Variants in BRSK1 observed in about 807,000 individuals in gnomAD.
BRSK1 encodes the protein BR serine/threonine kinase 1, also known as serine/threonine-protein kinase BRSK1.
A neutral mutation model predicts 86.2 loss-of-function variants in BRSK1; 17 were observed. The ratio of observed to expected loss-of-function variants is 0.20; its 90% CI spans 0.14 to 0.30. BRSK1 has a LOEUF of 0.30. Among genes scored for constraint, BRSK1 ranks in the 10% least tolerant of loss-of-function variants. The pLI is 1.00. For synonymous variants in BRSK1, 464 were observed against 440.1 expected, an observed-to-expected ratio of 1.05 and a Z score of -0.68; for missense variants, 719 against 1,071.9, an observed-to-expected ratio of 0.67 and a Z score of 4.60.
chr19:55,289,659 TGCCCAGCAGACAG>T (rs759708824), intron 4 of BRSK1, 39 bp downstream of exon 4: 1 of 1,606,384 alleles, frequency 6.2e-7, no homozygotes, highest in East Asian at 2.2e-5. Context: ...GGCTGAGGGC[TGCCCAGCAGACAG>T]GCCCTTGGGG....
At chr19:55,301,880 G>A (rs1172819) in intron 8 of BRSK1, among the ~76,000 whole-genome samples, 46,341 of 152,096 alleles carry the variant, frequency 0.3, 7,381 homozygotes, top group South Asian at 0.42. Flanking sequence ...GCGGGAGGGC[G>A]CAGGAGTAAG....
intron 4 of BRSK1, among the ~76,000 whole-genome samples, chr19:55,292,265 A>G (rs2088418121): frequency 6.6e-6 from 1 of 152,196 alleles, no homozygotes. Flanking sequence ...AAGGGTGGGA[A>G]GGTCCCAAGA....
In BRSK1 at chr19:55,312,168, G is replaced by A. The variant is rs2123019989; in HGVS notation, c.*100G>A. 2 of 578,398 alleles carry A rather than the reference G, an allele frequency of 3.5e-6. No individual in the cohort carries two copies. Among genetic ancestry groups the A allele is most frequent in the Non-Finnish European group, 5.9e-6 (2 of 341,680 alleles). The allele number at this position is 578,398 out of a possible 1,614,324, so 35.8% of individuals were successfully genotyped here. A position where few individuals can be genotyped will look rare whatever the true frequency, so the allele number is the denominator to read the frequency against. On this transcript the variant is annotated 3_prime_UTR_variant, in exon 19 of 19. Transcript: ENST00000309383. ...AGGCCCAAGGAACATGTCGGGAGGGGGGTGGACACAAAAACCGGCCTTGCC... is the reference window on the plus strand; with the variant it reads ...AGGCCCAAGGAACATGTCGGGAGGGAGGTGGACACAAAAACCGGCCTTGCC...
At position 55,302,590 on chromosome 19, in the gene BRSK1, G is replaced by A; in HGVS notation, c.858-107G>A. 4 of 1,416,090 alleles carry A rather than the reference G, an allele frequency of 2.8e-6. No homozygotes were observed. Among genetic ancestry groups the A allele is most frequent in the Non-Finnish European group, 2.9e-6 (3 of 1,037,088 alleles). 87.7% of individuals were successfully genotyped at this position (1,416,090 alleles called of 1,614,324 possible). A position where few individuals can be genotyped will look rare whatever the true frequency, so the allele number is the denominator to read the frequency against. On this transcript the variant is annotated intron_variant, in intron 9 of 18. Transcript: ENST00000309383. The surrounding 1 kb of genome is among the most constrained non-coding windows in gnomAD (Gnocchi z 6.3). ...GGATTCCTGGGTATGAGAGAGAAGG[G>A]GCCGGGGCCTAGACTCGGATTTCGG...
Position 55,284,498 on chromosome 19 carries a change from A to ACCCCCCCCCCCCCCCCCCCC in BRSK1, c.61_62insCCCCCCCCCCCCCCCCCCCC (p.His21ProfsTer52). 2 of 403,746 alleles carry ACCCCCCCCCCCCCCCCCCCC rather than the reference A, an allele frequency of 5.0e-6. No homozygotes were observed. Among genetic ancestry groups the ACCCCCCCCCCCCCCCCCCCC allele is most frequent in the Non-Finnish European group, 7.9e-6 (2 of 251,862 alleles). The allele number at this position is 403,746 out of a possible 1,614,324, so 25.0% of individuals were successfully genotyped here. ...GGCTCTCCCGCCTACCACCTCCCCC[A>ACCCCCCCCCCCCCCCCCCCC]CCCCCACCCCCACCCACCCCAGCAC... On this transcript the variant is annotated frameshift_variant, in exon 1 of 19. Transcript: ENST00000309383. LOFTEE classifies it high-confidence loss of function.
Position 55,303,710 on chromosome 19 carries a change from C to G in BRSK1, c.1170C>G (p.His390Gln), listed in dbSNP as rs371708220. 3 of 1,612,924 alleles carry G rather than the reference C, an allele frequency of 1.9e-6. No homozygotes were observed. Among genetic ancestry groups the G allele is most frequent in the South Asian group, 1.1e-5 (1 of 90,860 alleles). The change falls in exon 12 of 19, where the codon CAC becomes CAG. Residue 390 changes from histidine to glutamine, a missense_variant. Coordinates refer to ENST00000309383, the MANE Select transcript of BRSK1 (RefSeq NM_032430.2). This position sits in a 1 kb window ranked among gnomAD's most constrained non-coding sequence, Gnocchi z 5.1. ...TGGATTCTCCCATGCTGAGCCGTCACGGGAAGCGGCGACCAGAGCGGAAGT... is the reference window on the plus strand; with the variant it reads ...TGGATTCTCCCATGCTGAGCCGTCAGGGGAAGCGGCGACCAGAGCGGAAGT... ...KRVDSPMLSR[H>Q]GKRRPERKSM...
In BRSK1 at chr19:55,306,519, G is replaced by T; in HGVS notation, c.2089+69G>T. The T allele has an allele frequency of 1.3e-6, 2 of 1,552,210 alleles. No individual in the cohort carries two copies. The highest frequency in any genetic ancestry group is 1.8e-6 in the Non-Finnish European group (2 of 1,137,748). On this transcript the variant is annotated intron_variant, in intron 17 of 18. Transcript: ENST00000309383. The surrounding 1 kb of genome is among the most constrained non-coding windows in gnomAD (Gnocchi z 4.7). Reference sequence around the variant, plus strand: ...GTTCACGACAGCTGAGACAGTGTAGGGGCCCAGGAGTGCAGCAGCAGGAGG... The same window carrying T: ...GTTCACGACAGCTGAGACAGTGTAGTGGCCCAGGAGTGCAGCAGCAGGAGG...
At chr19:55,301,946 A>G (rs1416281905) in intron 8 of BRSK1, 191 bp from the exon 9 acceptor site, 1 of 832,336 alleles carries the variant, frequency 1.2e-6, no homozygotes, top group Non-Finnish European at 2.0e-6. Flanking sequence ...GGTCCGGGGT[A>G]CACGGAGACC....
chr19:55,293,842 T>G (rs1384583082), intron 4 of BRSK1, among the ~76,000 whole-genome samples, 175 bp from the exon 5 acceptor site: 1 of 152,006 alleles, frequency 6.6e-6, no homozygotes, highest in African/African-American at 2.4e-5. Flanking sequence ...TACATACATA[T>G]GATAAAAAAT....
At position 55,302,079 on chromosome 19, in the gene BRSK1, G is replaced by T; in HGVS notation, c.826-58G>T. The T allele has an allele frequency of 6.2e-7, 1 of 1,602,096 alleles. No individual in the cohort carries two copies. Among genetic ancestry groups the T allele is most frequent in the Non-Finnish European group, 8.6e-7 (1 of 1,169,000 alleles). Reference sequence around the variant, plus strand: ...CAAAACCACCCCAGTCTTTCATTGCGCGCCTACATGTGCCTACGACCTCAC... The same window carrying T: ...CAAAACCACCCCAGTCTTTCATTGCTCGCCTACATGTGCCTACGACCTCAC... On this transcript the variant is annotated intron_variant, in intron 8 of 18. Coordinates refer to ENST00000309383, the MANE Select transcript of BRSK1 (RefSeq NM_032430.2). This position sits in a 1 kb window ranked among gnomAD's most constrained non-coding sequence, Gnocchi z 6.3.
chr19:55,284,030 C>A lies in BRSK1; in HGVS notation c.-413C>A. On this transcript the variant is annotated 5_prime_UTR_variant, in exon 1 of 19. Transcript: ENST00000309383. ...ATGTCAGCGTGCCGGAGAGAAAGGA[C>A]GAGGTGGCGGGGGGAGGCGGAGAGG... 1 of 1,216,636 alleles carries A rather than the reference C, an allele frequency of 8.2e-7. No individual in the cohort carries two copies. Among genetic ancestry groups the A allele is most frequent in the African/African-American group, 1.6e-5 (1 of 62,426 alleles). 75.4% of individuals were successfully genotyped at this position (1,216,636 alleles called of 1,614,324 possible). A position where few individuals can be genotyped will look rare whatever the true frequency, so the allele number is the denominator to read the frequency against.
At chr19:55,311,212 T>C (rs1045191822) in intron 18 of BRSK1, among the ~76,000 whole-genome samples, 2 of 152,188 alleles carry the variant, frequency 1.3e-5, no homozygotes, top group Admixed American at 1.3e-4. Context: ...TCTGCCTGCC[T>C]CAGCCTCCCA....
Position 55,305,590 on chromosome 19 carries a change from AGGGGCCT to A in BRSK1, c.1890+8_1890+14del, listed in dbSNP as rs780224001. The A allele has an allele frequency of 1.9e-6, 3 of 1,613,962 alleles. No individual in the cohort carries two copies. Among genetic ancestry groups the A allele is most frequent in the Non-Finnish European group, 1.7e-6 (2 of 1,180,022 alleles). On this transcript the variant is annotated splice_donor_5th_base_variant and intron_variant, in intron 16 of 18. Transcript: ENST00000309383. ...CATCGTCCATGCCTTTCTGTCGGTG[AGGGGCCT>A]GGGTCCCCATCGAGCCTGGCCCCCG...
chr19:55,305,769 G>A (rs1361979628), intron 16 of BRSK1, among the ~76,000 whole-genome samples, 183 bp downstream of exon 16: 1 of 152,180 alleles, frequency 6.6e-6, no homozygotes, highest in East Asian at 1.9e-4. Context: ...CAGAGGCCTG[G>A]AATTGGGGAA....
At chr19:55,286,847 T>G (rs1019353294) in intron 1 of BRSK1, among the ~76,000 whole-genome samples, 160 bp from the exon 2 acceptor site, 1 of 151,758 alleles carries the variant, frequency 6.6e-6, no homozygotes, top group East Asian at 1.9e-4. Flanking sequence ...TGTGGGAGTG[T>G]GGGCTCTCAG....
At chr19:55,305,673 C>G in intron 16 of BRSK1, 87 bp downstream of exon 16, 1 of 1,573,796 alleles carries the variant, frequency 6.4e-7, no homozygotes, top group Non-Finnish European at 8.6e-7. Context: ...TAGCATAGGC[C>G]TGGCTTCCTC....
At chr19:55,299,472 G>T (rs539675911) in intron 7 of BRSK1, among the ~76,000 whole-genome samples, 2 of 146,294 alleles carry the variant, frequency 1.4e-5, no homozygotes, top group Non-Finnish European at 3.0e-5. Context: ...TGCAGCCTCC[G>T]CCTCCTGGGT....
At chr19:55,301,475 A>G (rs778648649) in intron 7 of BRSK1, 37 bp from the exon 8 acceptor site, 1 of 1,604,858 alleles carries the variant, frequency 6.2e-7, no homozygotes, top group Admixed American at 1.7e-5. Context: ...TGAGGGTGAA[A>G]TGTGCTAATG....
chr19:55,292,081 T>G (rs1365237450), intron 4 of BRSK1, among the ~76,000 whole-genome samples: 1 of 152,036 alleles, frequency 6.6e-6, no homozygotes, highest in Non-Finnish European at 1.5e-5. Flanking sequence ...TTCCACACCT[T>G]CCTGTTGACA....
Sources: gnomAD v4.1 joint callset for allele counts (sites outside exome capture counted in the v4.1 genomes callset) on GRCh38, gnomAD v4.1.1 for gene constraint, Gnocchi (gnomAD v3.1) non-coding constraint, MANE v1.5 for transcripts, NCBI Gene and HGNC (gene_info 2026-07-23, HGNC 2026-07-21) for gene names.